CSMD1: variants seen among roughly 807,000 people sequenced by gnomAD.
The protein encoded by CSMD1 is CUB and sushi domain-containing protein 1.
CSMD1 carries 213 observed loss-of-function variants against 417.5 expected under a neutral mutation model. The observed-to-expected ratio is 0.51, with a 90% CI of 0.46 to 0.57. The LOEUF (loss-of-function observed/expected upper bound fraction) is 0.57. Ranked by LOEUF, CSMD1 falls within the 20% of genes least tolerant of loss-of-function variation. The pLI is 0.00. For synonymous variants in CSMD1, 2,862 were observed against 1,736.8 expected, an observed-to-expected ratio of 1.65 and a Z score of -16.11; for missense variants, 6,923 against 4,529.7, an observed-to-expected ratio of 1.53 and a Z score of -15.17.
intron 12 of CSMD1, among the ~76,000 whole-genome samples, chr8:3,410,294 G>A (rs557675658): frequency 2.6e-5 from 4 of 152,292 alleles, no homozygotes; most frequent in African/African-American, 7.2e-5. Flanking sequence ...GCCACTGTGT[G>A]TCAGGTCCTG....
At chr8:4,192,577 A>T (rs1392064928) in intron 3 of CSMD1, among the ~76,000 whole-genome samples, 5 of 152,080 alleles carry the variant, frequency 3.3e-5, no homozygotes, top group Non-Finnish European at 7.4e-5. Flanking sequence ...TGGGTATTTT[A>T]CTCTTCATCA....
At chr8:3,324,153 G>C (rs1806348008) in intron 23 of CSMD1, among the ~76,000 whole-genome samples, 2 of 143,338 alleles carry the variant, frequency 1.4e-5, no homozygotes, top group South Asian at 2.4e-4. Context: ...CTAACACCCA[G>C]AGACTCGGGA....
intron 10 of CSMD1, among the ~76,000 whole-genome samples, chr8:3,513,627 G>A (rs974525150): frequency 6.6e-6 from 1 of 152,146 alleles, no homozygotes; most frequent in Admixed American, 6.5e-5. Flanking sequence ...AAGACTTACT[G>A]CTCTGCCACC....
chr8:4,066,370 C>T (rs1033520635), intron 3 of CSMD1, among the ~76,000 whole-genome samples: 1 of 152,158 alleles, frequency 6.6e-6, no homozygotes, highest in African/African-American at 2.4e-5. Flanking sequence ...TTCTAAGTCC[C>T]ACTCAGCGCA....
rs368614276 is a variant in CSMD1 at position 4,771,565 on chromosome 8, T to C, written c.86-134007A>G. 5.3e-5 allele frequency among the ~76,000 whole-genome samples: 8 copies of C among 152,328 alleles called. No individual in the cohort carries two copies. The East Asian group carries it at 1.5e-3, about 29-fold the overall frequency. ...GCATTTTCCACTCTAAGGAACGAAA[T>C]CCTGAAAAGAAATGGGATGTTGAAA... On this transcript the variant is annotated intron_variant, in intron 1 of 69. Transcript: ENST00000635120.
At chr8:3,883,229 T>A (rs992071430) in intron 5 of CSMD1, among the ~76,000 whole-genome samples, 1 of 152,200 alleles carries the variant, frequency 6.6e-6, no homozygotes, top group Non-Finnish European at 1.5e-5. Flanking sequence ...GAATGATTCA[T>A]TTGACCTGTA....
chr8:3,660,918 A>T (rs1382607970), intron 7 of CSMD1, among the ~76,000 whole-genome samples: 1 of 152,210 alleles, frequency 6.6e-6, no homozygotes, highest in Non-Finnish European at 1.5e-5. Flanking sequence ...CCCAATTCAT[A>T]GAAGTTTCTT....
chr8:3,887,263 G>C (rs1027830202), intron 5 of CSMD1, among the ~76,000 whole-genome samples: 4 of 152,164 alleles, frequency 2.6e-5, no homozygotes, highest in African/African-American at 9.7e-5. Flanking sequence ...CACAGCAGTG[G>C]TGACACAACC....
rs184445116 is a variant in CSMD1, at chr8:4,160,496, T to C, written c.416-128397A>G. On this transcript the variant is annotated intron_variant, in intron 3 of 69. Coordinates refer to ENST00000635120, the MANE Select transcript of CSMD1 (RefSeq NM_033225.6). ...TGTCTTCATGAGGTCCGAACATCGG[T>C]TGAAAGTCAGACAATCATTATGCTT... Among the ~76,000 whole-genome samples, 3 of 152,162 alleles carry C rather than the reference T, an allele frequency of 2.0e-5. No homozygotes were observed. In the East Asian group the frequency reaches 5.8e-4, roughly 29 times the overall value.
intron 3 of CSMD1, among the ~76,000 whole-genome samples, chr8:4,110,749 C>G (rs1462376653): frequency 1.3e-5 from 2 of 152,018 alleles, no homozygotes; most frequent in Admixed American, 1.3e-4. Context: ...TCCAGAGGTT[C>G]ATGAACTCAG....
chr8:3,435,409 G>A (rs1229970391), intron 12 of CSMD1, among the ~76,000 whole-genome samples: 1 of 152,056 alleles, frequency 6.6e-6, no homozygotes, highest in Non-Finnish European at 1.5e-5. Context: ...TCATAGAAAT[G>A]CCTGAAACAT....
intron 21 of CSMD1, among the ~76,000 whole-genome samples, chr8:3,353,280 G>A (rs1808534085): frequency 6.6e-6 from 1 of 152,136 alleles, no homozygotes; most frequent in Admixed American, 6.5e-5. Flanking sequence ...TATACTTTTG[G>A]AGGCATGTCT....
chr8:3,160,064 G>T (rs1004644521), intron 38 of CSMD1, among the ~76,000 whole-genome samples: 2 of 152,200 alleles, frequency 1.3e-5, no homozygotes, highest in Non-Finnish European at 1.5e-5. Flanking sequence ...AAAACAGCAT[G>T]TCAGTACAGA....
intron 38 of CSMD1, among the ~76,000 whole-genome samples, chr8:3,160,013 T>G (rs1819784555): frequency 6.6e-6 from 1 of 152,212 alleles, no homozygotes; most frequent in Admixed American, 6.5e-5. Context: ...GATATTTACC[T>G]GATTTCAGGC....
intron 1 of CSMD1, among the ~76,000 whole-genome samples, chr8:4,993,868 C>T (rs1261715302): frequency 1.3e-5 from 2 of 152,078 alleles, no homozygotes; most frequent in African/African-American, 4.8e-5. Context: ...GTACCAAAAC[C>T]CCCGTAGAGA....
At chr8:4,461,907 A>T (rs1016364740) in intron 2 of CSMD1, among the ~76,000 whole-genome samples, 2 of 151,646 alleles carry the variant, frequency 1.3e-5, no homozygotes, top group Admixed American at 6.6e-5. Flanking sequence ...CGCCCGGCTA[A>T]TTTTTCTGTA....
At chr8:3,178,102 G>C (rs1585565842) in intron 37 of CSMD1, among the ~76,000 whole-genome samples, 1 of 152,140 alleles carries the variant, frequency 6.6e-6, no homozygotes, top group Admixed American at 6.5e-5. Context: ...CATTAAACCA[G>C]AGGATTCTGT....
At chr8:4,418,928 G>A (rs535270412) in intron 3 of CSMD1, among the ~76,000 whole-genome samples, 1 of 152,134 alleles carries the variant, frequency 6.6e-6, no homozygotes, top group Non-Finnish European at 1.5e-5. Context: ...GTAACTTTAA[G>A]CAAAAGGATA....
intron 25 of CSMD1, among the ~76,000 whole-genome samples, chr8:3,290,877 TGA>T (rs1803506651): frequency 6.6e-6 from 1 of 152,014 alleles, no homozygotes; most frequent in African/African-American, 2.4e-5. Context: ...ATAGGAGTGG[TGA>T]GAGAGGGCAT....
Sources: gnomAD v4.1 joint callset for allele counts (sites outside exome capture counted in the v4.1 genomes callset) on GRCh38, gnomAD v4.1.1 for gene constraint, MANE v1.5 for transcripts, NCBI Gene and HGNC (gene_info 2026-07-23, HGNC 2026-07-21) for gene names.